Variants in HDAC5 observed in about 807,000 individuals in gnomAD.
The protein encoded by HDAC5 is histone deacetylase 5, also known as antigen NY-CO-9.
In HDAC5, 25 loss-of-function variants were observed where a neutral mutation model predicts 133.3. The ratio of observed to expected loss-of-function variants is 0.19; its 90% CI spans 0.14 to 0.26. The LOEUF (loss-of-function observed/expected upper bound fraction) is 0.26. HDAC5 is among the 10% of genes least tolerant of loss of function. The pLI is 1.00. For missense variants in HDAC5, 1,041 were observed against 1,460.5 expected (o/e 0.71, Z 4.68); for synonymous variants, 589 against 610.8 (o/e 0.96, Z 0.53).
intron 2 of HDAC5, chr17:44,111,238 C>T (rs1273575357): frequency 6.9e-6 from 2 of 288,384 alleles, no homozygotes; most frequent in Non-Finnish European, 1.4e-5. Flanking sequence ...GAATGAGCCG[C>T]CGCCGGCAGC....
intron 3 of HDAC5, among the ~76,000 whole-genome samples, chr17:44,105,034 G>A (rs1001640435): frequency 1.3e-5 from 2 of 152,212 alleles, no homozygotes; most frequent in African/African-American, 4.8e-5. Context: ...AAGGTCACCT[G>A]GAAAGGAGAT....
At chr17:44,122,938 CG>C (rs1392283728) in intron 1 of HDAC5, among the ~76,000 whole-genome samples, 1 of 152,160 alleles carries the variant, frequency 6.6e-6, no homozygotes, top group Non-Finnish European at 1.5e-5. Context: ...TCACAGGAGA[CG>C]GGGTGAGAAT....
intron 2 of HDAC5, chr17:44,111,710 C>T: frequency 1.9e-6 from 1 of 513,104 alleles, no homozygotes; most frequent in Non-Finnish European, 3.9e-6. Context: ...GGTGCCTCCC[C>T]ACCCCTTCAA....
In HDAC5 at chr17:44,083,797, C is replaced by T; in HGVS notation, c.2355+8G>A. The T allele has an allele frequency of 2.5e-6, 4 of 1,612,460 alleles. No homozygotes were observed. Among genetic ancestry groups the T allele is most frequent in the Non-Finnish European group, 3.4e-6 (4 of 1,178,612 alleles). Reference sequence around the variant, plus strand: ...CCGCCCACCCCCACTGCTGTACGCCCTACTCACCCCGATGCCCCCACAAGG... The same window carrying T: ...CCGCCCACCCCCACTGCTGTACGCCTTACTCACCCCGATGCCCCCACAAGG... On this transcript the variant is annotated splice_region_variant and intron_variant, in intron 17 of 26. Coordinates refer to ENST00000682912, the MANE Select transcript of HDAC5 (RefSeq NM_005474.5).
chr17:44,089,338 G>A (rs1243572932), intron 11 of HDAC5, among the ~76,000 whole-genome samples: 1 of 152,128 alleles, frequency 6.6e-6, no homozygotes, highest in Non-Finnish European at 1.5e-5. Flanking sequence ...GCTGGGTGCG[G>A]TGGCTCACAC....
rs116882698 is a variant in HDAC5 at position 44,122,390 on chromosome 17, T to C, written c.-190+1114A>G. ...CCCACCTCCTTTTGTTCCCATAATC[T>C]GGCTCCATCCTCCCCTCCCAGTTGG... On this transcript the variant is annotated intron_variant, in intron 1 of 26. Transcript: ENST00000682912. Among the ~76,000 whole-genome samples the C allele has an allele frequency of 5.9e-3, 901 of 152,086 alleles. 4 individuals are homozygous for C. Among genetic ancestry groups the C allele is most frequent in the Middle Eastern group, 0.048 (14 of 292 alleles).
Position 44,092,299 on chromosome 17 carries a change from G to A in HDAC5, c.920-15C>T. ...CACGGACGACGCTATAGGAGAAGTG[G>A]CTGTCACCTGGGCCTGCTGTGAACT... On this transcript the variant is annotated splice_polypyrimidine_tract_variant and intron_variant, in intron 8 of 26. Transcript: ENST00000682912. 1 of 1,613,676 alleles carries A rather than the reference G, an allele frequency of 6.2e-7. No homozygotes were observed. The highest frequency in any genetic ancestry group is 8.5e-7 in the Non-Finnish European group (1 of 1,179,726).
intron 23 of HDAC5, 74 bp from the exon 24 acceptor site, chr17:44,079,351 G>C: frequency 1.3e-6 from 2 of 1,504,698 alleles, no homozygotes; most frequent in South Asian, 1.2e-5. Context: ...AGTAAGAGGA[G>C]AGAAAAAAGG....
At chr17:44,103,711 CT>C (rs746802870) in intron 3 of HDAC5, among the ~76,000 whole-genome samples, 224 of 141,238 alleles carry the variant, frequency 1.6e-3, no homozygotes, top group Middle Eastern at 3.7e-3. Flanking sequence ...ATGGTTTTTT[CT>C]TTTTTTTTTT....
intron 3 of HDAC5, among the ~76,000 whole-genome samples, chr17:44,104,894 C>G (rs2051837968): frequency 6.6e-6 from 1 of 152,170 alleles, no homozygotes; most frequent in South Asian, 2.1e-4. Context: ...TCCCACAAAG[C>G]AGACACAATG....
At chr17:44,123,353 G>A in intron 1 of HDAC5, 151 bp downstream of exon 1, 1 of 333,856 alleles carries the variant, frequency 3.0e-6, no homozygotes, top group Non-Finnish European at 5.4e-6. Context: ...GGGGGCGCCG[G>A]CTGGCTCCCA....
intron 2 of HDAC5, chr17:44,116,025 T>G (rs1049428002): frequency 6.6e-6 from 1 of 152,276 alleles, no homozygotes; most frequent in Non-Finnish European, 1.5e-5. Context: ...TATCCTGGGT[T>G]GATTATCACA....
intron 3 of HDAC5, among the ~76,000 whole-genome samples, chr17:44,098,775 A>ACT (rs2051416124): frequency 6.9e-6 from 1 of 145,918 alleles, no homozygotes; most frequent in Non-Finnish European, 1.5e-5. Context: ...ACGAAGGGGC[A>ACT]CTGTTCCCTA....
At position 44,077,491 on chromosome 17, in the gene HDAC5, G is replaced by GA. The variant is rs2050172511; in HGVS notation, c.*884dup. Reference sequence around the variant, plus strand: ...TCCCCGCAGCATGCTGGATGGCTGGGAAAATCTGGTCCTGACAGCAGGGGG... The same window carrying GA: ...TCCCCGCAGCATGCTGGATGGCTGGGAAAAATCTGGTCCTGACAGCAGGGGG... On this transcript the variant is annotated 3_prime_UTR_variant, in exon 27 of 27. Coordinates refer to ENST00000682912, the MANE Select transcript of HDAC5 (RefSeq NM_005474.5). 6.6e-6 allele frequency: 1 copy of GA among 152,402 alleles called. No individual in the cohort carries two copies. Among genetic ancestry groups the GA allele is most frequent in the African/African-American group, 2.4e-5 (1 of 41,456 alleles). 9.4% of individuals were successfully genotyped at this position (152,402 alleles called of 1,614,324 possible).
At chr17:44,112,538 A>C (rs988008150) in intron 2 of HDAC5, among the ~76,000 whole-genome samples, 74 of 151,798 alleles carry the variant, frequency 4.9e-4, no homozygotes, top group Non-Finnish European at 2.1e-4. Flanking sequence ...CCAGGCATGG[A>C]GCCAGGGACA....
chr17:44,092,922 T>A, intron 6 of HDAC5, 116 bp from the exon 7 acceptor site: 2 of 649,056 alleles, frequency 3.1e-6, no homozygotes, highest in African/African-American at 1.8e-5. Context: ...GAAGAGGACG[T>A]GGATCTTGGG....
intron 7 of HDAC5, 68 bp downstream of exon 7, chr17:44,092,608 A>G: frequency 2.6e-6 from 4 of 1,550,088 alleles, no homozygotes; most frequent in Non-Finnish European, 3.5e-6. Context: ...CAGGGCTGAC[A>G]CTGCCACAAG....
chr17:44,095,224 A>C (rs2051192942), intron 3 of HDAC5, among the ~76,000 whole-genome samples: 1 of 152,244 alleles, frequency 6.6e-6, no homozygotes, highest in African/African-American at 2.4e-5. Flanking sequence ...ACTGAGGTTT[A>C]GAGAAGTTTA....
intron 11 of HDAC5, 21 bp from the exon 12 acceptor site, chr17:44,088,619 A>G: frequency 6.2e-7 from 1 of 1,601,758 alleles, no homozygotes; most frequent in South Asian, 1.1e-5. Context: ...GGGGGTGATG[A>G]CTAAGCACCA....
Sources: gnomAD v4.1 joint callset for allele counts (sites outside exome capture counted in the v4.1 genomes callset) on GRCh38, gnomAD v4.1.1 for gene constraint, MANE v1.5 for transcripts, NCBI Gene and HGNC (gene_info 2026-07-23, HGNC 2026-07-21) for gene names.